The following TBCD variants were observed in gnomAD, a reference collection of about 807,000 sequenced individuals.
TBCD encodes the protein tubulin-specific chaperone D.
TBCD carries 105 observed loss-of-function variants against 169.3 expected under a neutral mutation model. The observed-to-expected ratio is 0.62, with a 90% CI of 0.53 to 0.73. The LOEUF is 0.73. TBCD is among the 30% of genes least tolerant of loss of function. The pLI, the probability that TBCD is intolerant of heterozygous loss-of-function variation, is 0.00. For synonymous variants in TBCD, 700 were observed against 643.9 expected (o/e 1.09, Z -1.32); for missense variants, 1,444 against 1,600.1 (o/e 0.90, Z 1.66).
rs570153707 is a variant in TBCD at position 82,939,921 on chromosome 17, C to G, written c.3479+445C>G. On this transcript the variant is annotated intron_variant, in intron 37 of 38. Transcript: ENST00000355528. ...ACGCCTCTGCTCTGATGTCCACCCC[C>G]TTCCTCAGGGCCATGAGGCCCTCAG... is the stretch of plus-strand genomic sequence containing the variant. Among the ~76,000 whole-genome samples the G allele has an allele frequency of 3.3e-5, 5 of 152,372 alleles. No homozygotes were observed. The South Asian group carries it at 1.0e-3, about 32-fold the overall frequency.
Position 82,793,756 on chromosome 17 carries a change from A to G in TBCD, c.772-4001A>G, listed in dbSNP as rs145832228. Among the ~76,000 whole-genome samples the G allele has an allele frequency of 1.5e-3, 232 of 152,330 alleles. 2 individuals carry two copies. The highest frequency in any genetic ancestry group is 3.9e-3 in the Admixed American group (60 of 15,308). On this transcript the variant is annotated intron_variant, in intron 7 of 38. Coordinates refer to ENST00000355528, the MANE Select transcript of TBCD (RefSeq NM_005993.5). ...CTGTCCTGTGGCCCCTCTGTGTGGC[A>G]TGCCCAAGAGTGGCTTTGAACATGG...
At position 82,831,816 on chromosome 17, in the gene TBCD, G is replaced by A; in HGVS notation, c.1318+16882G>A. On this transcript the variant is annotated intron_variant, in intron 13 of 38. Transcript: ENST00000355528. The surrounding 1 kb of genome is among the most constrained non-coding windows in gnomAD (Gnocchi z 4.6). ...TTTTATGTGGAAACTCTGGTGGAAG[G>A]AAAGGTGAGCCGGCTTTCCAGGGGT... 1 of 1,614,204 alleles carries A rather than the reference G, an allele frequency of 6.2e-7. No individual in the cohort carries two copies. Among genetic ancestry groups the A allele is most frequent in the Non-Finnish European group, 8.5e-7 (1 of 1,180,036 alleles).
intron 38 of TBCD, chr17:82,941,776 CTGTT>C (rs1268584079): frequency 8.8e-6 from 4 of 454,608 alleles, no homozygotes; most frequent in South Asian, 3.4e-5. Context: ...GCCCTGGGGT[CTGTT>C]TGTGCTCCAA....
Position 82,942,920 on chromosome 17 carries a change from T to C in TBCD, c.*457T>C. On this transcript the variant is annotated 3_prime_UTR_variant, in exon 39 of 39. Transcript: ENST00000355528. ...ATGAATGTTAAATCAGAGGTTCAAA[T>C]GCTAGAGAACTGAGAAGCCCTGGTG... 1 of 209,324 alleles carries C rather than the reference T, an allele frequency of 4.8e-6. No individual in the cohort carries two copies. Among genetic ancestry groups the C allele is most frequent in the Non-Finnish European group, 9.6e-6 (1 of 104,378 alleles). The allele number at this position is 209,324 out of a possible 1,614,324, so 13.0% of individuals were successfully genotyped here. A position where few individuals can be genotyped will look rare whatever the true frequency, so the allele number is the denominator to read the frequency against.
chr17:82,819,098 A>T (rs2052184256), intron 13 of TBCD, among the ~76,000 whole-genome samples: 1 of 152,238 alleles, frequency 6.6e-6, no homozygotes. Flanking sequence ...TGCTTGGCAA[A>T]TAAATGTCGT....
Position 82,922,185 on chromosome 17 carries a change from A to G in TBCD, c.2178+608A>G, listed in dbSNP as rs1329728731. The stretch of plus-strand genomic sequence containing the variant: ...AGGCCAGCCTGGCCAACATGGTGAA[A>G]CCCCATCTCTACTAAAAATACAAAA... On this transcript the variant is annotated intron_variant, in intron 25 of 38. Coordinates refer to ENST00000355528, the MANE Select transcript of TBCD (RefSeq NM_005993.5). The surrounding 1 kb of genome is among the most constrained non-coding windows in gnomAD (Gnocchi z 4.1). Among the ~76,000 whole-genome samples, 1 of 152,144 alleles carries G rather than the reference A, an allele frequency of 6.6e-6. No individual in the cohort carries two copies. The highest frequency in any genetic ancestry group is 1.5e-5 in the Non-Finnish European group (1 of 68,020).
Position 82,927,956 on chromosome 17 carries a change from T to C in TBCD, c.2661T>C (p.Ala887=). Residue 887 remains alanine (A), a synonymous_variant, in exon 30 of 39, where the codon GCT becomes GCC. Coordinates refer to ENST00000355528, the MANE Select transcript of TBCD (RefSeq NM_005993.5). Reference sequence around the variant, plus strand: ...TGATGGATCTGACACTTCTGCTGGCTCGGAGCCAGCCTGAGCTGATCGAGG... The same window carrying C: ...TGATGGATCTGACACTTCTGCTGGCCCGGAGCCAGCCTGAGCTGATCGAGG... ...TSLMDLTLLL[A]RSQPELIEAH... is the part of the protein sequence containing the mutation. 1 of 1,612,974 alleles carries C rather than the reference T, an allele frequency of 6.2e-7. No individual in the cohort carries two copies. Among genetic ancestry groups the C allele is most frequent in the Non-Finnish European group, 8.5e-7 (1 of 1,179,792 alleles).
At chr17:82,809,934 C>G (rs1215303348) in intron 12 of TBCD, among the ~76,000 whole-genome samples, 152 bp downstream of exon 12, 6 of 152,196 alleles carry the variant, frequency 3.9e-5, no homozygotes, top group Admixed American at 3.9e-4. Flanking sequence ...AACTTGAGAA[C>G]TCTTGTTATT....
At chr17:82,841,041 A>C (rs916683685) in intron 13 of TBCD, among the ~76,000 whole-genome samples, 1 of 130,232 alleles carries the variant, frequency 7.7e-6, no homozygotes, top group South Asian at 2.4e-4. Flanking sequence ...ATCTTGGCTC[A>C]CTGCGTTTCT....
At position 82,930,421 on chromosome 17, in the gene TBCD, G is replaced by A; in HGVS notation, c.2992-101G>A. On this transcript the variant is annotated intron_variant, in intron 32 of 38. Coordinates refer to ENST00000355528, the MANE Select transcript of TBCD (RefSeq NM_005993.5). The surrounding 1 kb of genome is among the most constrained non-coding windows in gnomAD (Gnocchi z 5.2). ...GACCTTCGCGTCTCTGCAGCTCGGA[G>A]CAGTTCTGCTCTTCAGCAGATGCTT... 6.7e-7 allele frequency: 1 copy of A among 1,489,922 alleles called. No homozygotes were observed. The highest frequency in any genetic ancestry group is 8.9e-7 in the Non-Finnish European group (1 of 1,117,328). 92.3% of individuals were successfully genotyped at this position (1,489,922 alleles called of 1,614,324 possible).
In TBCD at chr17:82,852,531, C is replaced by T. The variant is rs117116112; in HGVS notation, c.1319-17693C>T. On this transcript the variant is annotated intron_variant, in intron 13 of 38. Coordinates refer to ENST00000355528, the MANE Select transcript of TBCD (RefSeq NM_005993.5). ...GCCTGCAGGCGCTGCCTTCCTGCTG[C>T]GTGCTCGCCGTTCGGTCTGTGTCTT... Among the ~76,000 whole-genome samples, 55 of 152,254 alleles carry T rather than the reference C, an allele frequency of 3.6e-4. No homozygotes were observed. In the East Asian group the frequency reaches 5.0e-3, roughly 14 times the overall value.
chr17:82,945,607 G>T lies in TBCD; in HGVS notation c.*3144G>T, dbSNP rs977813282. On this transcript the variant is annotated 3_prime_UTR_variant, in exon 39 of 39. Transcript: ENST00000355528. ...AATTAAGTCATTTAGATAAAAATAT[G>T]CCATTCTTATCTGTTTGGTTTTTTA... 6.6e-6 allele frequency: 1 copy of T among 152,172 alleles called. No individual in the cohort carries two copies. The highest frequency in any genetic ancestry group is 1.5e-5 in the Non-Finnish European group (1 of 68,028). 9.4% of individuals were successfully genotyped at this position (152,172 alleles called of 1,614,324 possible).
intron 34 of TBCD, 49 bp downstream of exon 34, chr17:82,932,784 T>C: frequency 6.3e-7 from 1 of 1,577,838 alleles, no homozygotes; most frequent in Non-Finnish European, 8.7e-7. Flanking sequence ...CCTAAGTAGC[T>C]CATGTATTAA....
At chr17:82,810,544 A>AG (rs11399476) in intron 12 of TBCD, among the ~76,000 whole-genome samples, 152,328 of 152,330 alleles carry the variant, frequency 1, 76,163 homozygotes, top group Middle Eastern at 1. Flanking sequence ...TGTGGGTGGT[A>AG]AGTTGTGGGC....
At chr17:82,756,851 T>C (rs2047429516) in intron 2 of TBCD, among the ~76,000 whole-genome samples, 2 of 152,218 alleles carry the variant, frequency 1.3e-5, no homozygotes, top group African/African-American at 4.8e-5. Context: ...TTTCTGGTAA[T>C]AGTCATACAG....
chr17:82,836,463 G>A lies in TBCD; in HGVS notation c.1318+21529G>A, dbSNP rs576880147. 3.3e-5 allele frequency among the ~76,000 whole-genome samples: 5 copies of A among 152,288 alleles called. No individual in the cohort carries two copies. The East Asian group carries it at 7.7e-4, about 23-fold the overall frequency. On this transcript the variant is annotated intron_variant, in intron 13 of 38. Transcript: ENST00000355528. ...TGCGTCCTCGCGAGACCGAAACGCC[G>A]CCTCTAGCACCTGAAACACAAGCCC...
intron 6 of TBCD, among the ~76,000 whole-genome samples, chr17:82,776,776 G>T (rs2048626093): frequency 6.6e-6 from 1 of 152,180 alleles, no homozygotes; most frequent in African/African-American, 2.4e-5. Flanking sequence ...TGGTGTTGGG[G>T]TCTGCACACC....
Position 82,905,973 on chromosome 17 carries a change from T to G in TBCD, c.1842T>G (p.Asp614Glu), listed in dbSNP as rs201871480. ...PRLLSMTLSP[D>E]LHMRHGSILA... is the part of the protein sequence containing the mutation. ...TGCTGTCCATGACACTGAGTCCAGA[T>G]CTTCACATGAGGCATGGGTCGATTC... Residue 614 changes from aspartate to glutamate, a missense_variant, in exon 20 of 39, where the codon GAT becomes GAG. Transcript: ENST00000355528. 1.2e-6 allele frequency: 2 copies of G among 1,613,394 alleles called. No individual in the cohort carries two copies. Among genetic ancestry groups the G allele is most frequent in the African/African-American group, 2.7e-5 (2 of 75,066 alleles).
rs185613213 is a variant in TBCD, at chr17:82,932,939, T to C, written c.3191+204T>C. On this transcript the variant is annotated intron_variant, in intron 34 of 38. Transcript: ENST00000355528. Reference sequence around the variant, plus strand: ...ATAACATATTTACATAATGACATATTATGACTGTAAGTGCAGTCAGCCCCA... The same window carrying C: ...ATAACATATTTACATAATGACATATCATGACTGTAAGTGCAGTCAGCCCCA... 1.1e-3 allele frequency: 663 copies of C among 596,706 alleles called. 3 individuals are homozygous for C. The highest frequency in any genetic ancestry group is 6.1e-3 in the South Asian group (307 of 50,684). 37.0% of individuals were successfully genotyped at this position (596,706 alleles called of 1,614,324 possible). A position where few individuals can be genotyped will look rare whatever the true frequency, so the allele number is the denominator to read the frequency against.
Sources: gnomAD v4.1 joint callset for allele counts (sites outside exome capture counted in the v4.1 genomes callset) on GRCh38, gnomAD v4.1.1 for gene constraint, Gnocchi (gnomAD v3.1) non-coding constraint, MANE v1.5 for transcripts, NCBI Gene and HGNC (gene_info 2026-07-23, HGNC 2026-07-21) for gene names.